Variants in KCND3 observed in about 807,000 individuals in gnomAD.
KCND3 encodes the protein A-type voltage-gated potassium channel KCND3.
A neutral mutation model predicts 51.1 loss-of-function variants in KCND3; 9 were observed. That is an observed-to-expected ratio of 0.18 (90% confidence interval 0.11 to 0.31). The LOEUF (loss-of-function observed/expected upper bound fraction) is 0.31. Among genes scored for constraint, KCND3 ranks in the 10% least tolerant of loss-of-function variants. KCND3 has a pLI of 1.00. For missense variants in KCND3, 526 were observed against 903.8 expected (o/e 0.58, Z 5.36); for synonymous variants, 349 against 368.0 (o/e 0.95, Z 0.59).
chr1:111,806,374 G>A (rs1427355144), intron 2 of KCND3, among the ~76,000 whole-genome samples: 1 of 152,158 alleles, frequency 6.6e-6, no homozygotes, highest in Non-Finnish European at 1.5e-5. Context: ...TACTTTAAAT[G>A]GCTTTTATGC....
chr1:111,960,178 GACTAAT>G (rs1673569819), intron 2 of KCND3, among the ~76,000 whole-genome samples: 1 of 152,092 alleles, frequency 6.6e-6, no homozygotes, highest in African/African-American at 2.4e-5. Flanking sequence ...CATGAGAACG[GACTAAT>G]ACACAGCCCT....
intron 2 of KCND3, among the ~76,000 whole-genome samples, chr1:111,851,891 TA>T (rs1302543391): frequency 6.6e-6 from 1 of 152,222 alleles, no homozygotes; most frequent in Non-Finnish European, 1.5e-5. Flanking sequence ...CTGAGGGCAG[TA>T]AGGTGCAAAG....
intron 1 of KCND3, among the ~76,000 whole-genome samples, chr1:111,986,330 T>C (rs908012093): frequency 2.6e-5 from 4 of 152,232 alleles, no homozygotes; most frequent in Admixed American, 2.6e-4. Context: ...CAGAAGTCTC[T>C]TTCAAAGTGG....
chr1:111,861,919 G>A (rs534933849), intron 2 of KCND3, among the ~76,000 whole-genome samples: 15 of 152,256 alleles, frequency 9.9e-5, no homozygotes, highest in South Asian at 4.1e-4. Context: ...TGAGTTATGC[G>A]AGGGACCCCC....
intron 6 of KCND3, among the ~76,000 whole-genome samples, chr1:111,777,731 A>G (rs892706012): frequency 3.3e-5 from 5 of 152,204 alleles, no homozygotes; most frequent in African/African-American, 9.7e-5. Flanking sequence ...TATGACAAAA[A>G]CTTTTAAACA....
chr1:111,839,725 T>G (rs1557970391), intron 2 of KCND3, among the ~76,000 whole-genome samples: 1 of 152,272 alleles, frequency 6.6e-6, no homozygotes, highest in Non-Finnish European at 1.5e-5. Context: ...TGAGAATGGA[T>G]ATCATCTCCA....
chr1:111,834,165 T>C (rs527777589), intron 2 of KCND3, among the ~76,000 whole-genome samples: 1 of 152,342 alleles, frequency 6.6e-6, no homozygotes, highest in Non-Finnish European at 1.5e-5. Flanking sequence ...GCTCTCTCCC[T>C]GTTCCAACTC....
At chr1:111,954,761 CAT>C (rs1673238937) in intron 2 of KCND3, among the ~76,000 whole-genome samples, 1 of 152,240 alleles carries the variant, frequency 6.6e-6, no homozygotes, top group Non-Finnish European at 1.5e-5. Flanking sequence ...CAGCAGCCTT[CAT>C]TCAGAATTCC....
intron 2 of KCND3, among the ~76,000 whole-genome samples, chr1:111,838,966 C>T (rs1481481445): frequency 6.6e-6 from 1 of 152,118 alleles, no homozygotes; most frequent in Non-Finnish European, 1.5e-5. Flanking sequence ...AAATACCCTA[C>T]TAGGAAAAGG....
chr1:111,945,235 T>C (rs965646237), intron 2 of KCND3, among the ~76,000 whole-genome samples: 1 of 152,214 alleles, frequency 6.6e-6, no homozygotes, highest in Non-Finnish European at 1.5e-5. Context: ...CTGATGCCCT[T>C]GTTCGAGGTA....
intron 2 of KCND3, among the ~76,000 whole-genome samples, chr1:111,787,999 C>G (rs1483506307): frequency 6.6e-6 from 1 of 152,170 alleles, no homozygotes; most frequent in Non-Finnish European, 1.5e-5. Flanking sequence ...GAAGCTCAGC[C>G]CCTTAAAGCT....
chr1:111,935,381 C>T (rs1409565485), intron 2 of KCND3, among the ~76,000 whole-genome samples: 2 of 152,122 alleles, frequency 1.3e-5, no homozygotes, highest in Admixed American at 1.3e-4. Context: ...ACCTGCTTCC[C>T]TTACTCCCAG....
chr1:111,971,265 T>G (rs1396487563), intron 2 of KCND3, among the ~76,000 whole-genome samples: 1 of 146,632 alleles, frequency 6.8e-6, no homozygotes, highest in East Asian at 2.0e-4. Context: ...CTTGGGTGGG[T>G]ACTGTTTGTT....
chr1:111,860,532 C>A (rs1166556830), intron 2 of KCND3, among the ~76,000 whole-genome samples: 1 of 152,048 alleles, frequency 6.6e-6, no homozygotes, highest in Non-Finnish European at 1.5e-5. Context: ...GCTTCTCAGT[C>A]CCCCACCCCC....
chr1:111,886,090 A>C (rs1002619318), intron 2 of KCND3, among the ~76,000 whole-genome samples: 1 of 152,254 alleles, frequency 6.6e-6, no homozygotes. Context: ...GATGCAAATA[A>C]ATCCTGTATT....
chr1:111,980,234 GT>G (rs1159777969), intron 2 of KCND3, among the ~76,000 whole-genome samples: 2 of 152,014 alleles, frequency 1.3e-5, no homozygotes, highest in African/African-American at 4.8e-5. Context: ...GTGTGTGTGT[GT>G]GTGGGTTGGA....
intron 2 of KCND3, among the ~76,000 whole-genome samples, chr1:111,896,208 G>A (rs571527784): frequency 4.6e-5 from 7 of 152,172 alleles, no homozygotes; most frequent in East Asian, 1.9e-4. Flanking sequence ...CCCGGAACCC[G>A]GGCCTATTGG....
chr1:111,795,948 C>T lies in KCND3; in HGVS notation c.1107-8842G>A, dbSNP rs376132379. Among the ~76,000 whole-genome samples, 46 of 152,282 alleles carry T rather than the reference C, an allele frequency of 3.0e-4. 2 individuals carry two copies. In the South Asian group the frequency reaches 5.6e-3, roughly 19 times the overall value. On this transcript the variant is annotated intron_variant, in intron 2 of 7. Coordinates refer to ENST00000302127, the MANE Select transcript of KCND3 (RefSeq NM_001378969.1). ...TTCTCAAATGATCAATGATGTTGAA[C>T]TTTTTTTCCTATGATTGTTGGCCGC...
intron 2 of KCND3, among the ~76,000 whole-genome samples, chr1:111,968,834 C>T (rs1674164886): frequency 6.6e-6 from 1 of 152,150 alleles, no homozygotes. Context: ...GGCTGAAAGG[C>T]TGAGTGATAC....
Sources: gnomAD v4.1 joint callset for allele counts (sites outside exome capture counted in the v4.1 genomes callset) on GRCh38, gnomAD v4.1.1 for gene constraint, MANE v1.5 for transcripts, NCBI Gene and HGNC (gene_info 2026-07-23, HGNC 2026-07-21) for gene names.